The following THSD7B variants were observed in gnomAD, a reference collection of about 807,000 sequenced individuals.
THSD7B encodes thrombospondin type 1 domain containing 7B.
In THSD7B, 138 loss-of-function variants were observed where a neutral mutation model predicts 213.6. That is an observed-to-expected ratio of 0.65 (90% CI 0.56 to 0.74). The LOEUF (loss-of-function observed/expected upper bound fraction) is 0.74, where lower values mean the gene tolerates loss of function less well. THSD7B is among the 30% of genes least tolerant of loss of function. THSD7B has a pLI of 0.00. For synonymous variants in THSD7B, 742 were observed against 687.0 expected (o/e 1.08, Z -1.25); for missense variants, 1,931 against 1,991.5 (o/e 0.97, Z 0.58).
chr2:137,276,698 T>C (rs1682883299), intron 12 of THSD7B, among the ~76,000 whole-genome samples: 1 of 152,114 alleles, frequency 6.6e-6, no homozygotes, highest in African/African-American at 2.4e-5. Context: ...AAGCTTGATA[T>C]GAAGTGCATT....
chr2:137,067,009 T>C (rs995359264), intron 3 of THSD7B, among the ~76,000 whole-genome samples: 1 of 152,236 alleles, frequency 6.6e-6, no homozygotes, highest in Middle Eastern at 3.4e-3. Flanking sequence ...TACTTTACGA[T>C]GTTTTTGATT....
intron 12 of THSD7B, among the ~76,000 whole-genome samples, chr2:137,315,615 A>G (rs1684078784): frequency 6.6e-6 from 1 of 151,912 alleles, no homozygotes; most frequent in Non-Finnish European, 1.5e-5. Context: ...ATTTGGTATT[A>G]TTATAGAAAA....
intron 1 of THSD7B, among the ~76,000 whole-genome samples, chr2:136,826,545 T>A (rs552523560): frequency 1.3e-5 from 2 of 152,306 alleles, no homozygotes; most frequent in Admixed American, 1.3e-4. Context: ...GGCTCTTTCT[T>A]CTCTCTTCTT....
intron 3 of THSD7B, 115 bp from the exon 4 acceptor site, chr2:137,094,758 C>T: frequency 7.5e-7 from 1 of 1,328,614 alleles, no homozygotes; most frequent in Non-Finnish European, 1.0e-6. Context: ...TAAAAATCTT[C>T]CTATTAAACG....
chr2:137,133,752 C>T (rs1688782922), intron 5 of THSD7B, among the ~76,000 whole-genome samples: 1 of 152,018 alleles, frequency 6.6e-6, no homozygotes, highest in South Asian at 2.1e-4. Context: ...TTTGTTTCAC[C>T]AAATATATCC....
chr2:137,355,936 A>G (rs186301097), intron 12 of THSD7B, among the ~76,000 whole-genome samples: 15 of 152,246 alleles, frequency 9.9e-5, no homozygotes. Flanking sequence ...TTCTTTGCCC[A>G]TCTGAGAGTG....
chr2:136,928,420 G>A (rs987103382), intron 2 of THSD7B, among the ~76,000 whole-genome samples: 7 of 152,240 alleles, frequency 4.6e-5, no homozygotes, highest in African/African-American at 1.7e-4. Context: ...CATTTTGAAA[G>A]CATTTGTATA....
intron 2 of THSD7B, among the ~76,000 whole-genome samples, chr2:136,923,659 C>T (rs1386796516): frequency 2.0e-5 from 3 of 151,990 alleles, no homozygotes; most frequent in Non-Finnish European, 2.9e-5. Context: ...CTAATGGGGG[C>T]GAGGTGTTAT....
chr2:137,053,644 T>C (rs1270480086), intron 2 of THSD7B, among the ~76,000 whole-genome samples: 1 of 152,142 alleles, frequency 6.6e-6, no homozygotes, highest in African/African-American at 2.4e-5. Context: ...TGGCCAGATA[T>C]TCTAAATGAA....
In THSD7B at chr2:137,096,203, A is replaced by G. The variant is rs2104920082; in HGVS notation, c.1199+1082A>G. ...TCTGTTAAATCTGTAGCTATTCAAG[A>G]TAGGCATTTTTCTTATAGTTTCTTG... On this transcript the variant is annotated intron_variant, in intron 4 of 27. Coordinates refer to ENST00000409968, the MANE Select transcript of THSD7B (RefSeq NM_001316349.2). Among the ~76,000 whole-genome samples, 3 of 152,312 alleles carry G rather than the reference A, an allele frequency of 2.0e-5. No homozygotes were observed. In the South Asian group the frequency reaches 6.2e-4, roughly 32 times the overall value.
chr2:137,376,806 A>G (rs1046068057), intron 12 of THSD7B, among the ~76,000 whole-genome samples: 2 of 152,244 alleles, frequency 1.3e-5, no homozygotes, highest in African/African-American at 4.8e-5. Context: ...TTCATTCAGC[A>G]TAAAACACAG....
At chr2:137,342,778 A>C (rs1325510019) in intron 12 of THSD7B, among the ~76,000 whole-genome samples, 1 of 151,668 alleles carries the variant, frequency 6.6e-6, no homozygotes. Flanking sequence ...TTTTATACCT[A>C]AAGAGATGAT....
At position 137,258,878 on chromosome 2, in the gene THSD7B, C is replaced by A. The variant is rs1203697432; in HGVS notation, c.2267-13655C>A. On this transcript the variant is annotated intron_variant, in intron 10 of 27. Transcript: ENST00000409968. ...AGGCCCTGAAGCGTGTTGTTCCCTCCCCTGTGTCCATGTGTTCTCTTTGTT... is the reference window on the plus strand; with the variant it reads ...AGGCCCTGAAGCGTGTTGTTCCCTCACCTGTGTCCATGTGTTCTCTTTGTT... Among the ~76,000 whole-genome samples, 3 of 152,066 alleles carry A rather than the reference C, an allele frequency of 2.0e-5. No individual in the cohort carries two copies. In the East Asian group the frequency reaches 5.8e-4, roughly 30 times the overall value.
chr2:136,817,324 C>T (rs1247174448), intron 1 of THSD7B, among the ~76,000 whole-genome samples: 2 of 151,730 alleles, frequency 1.3e-5, no homozygotes, highest in Non-Finnish European at 2.9e-5. Context: ...CCTGTTCACT[C>T]TGATGGTAGT....
In THSD7B at chr2:137,659,830, G is replaced by C. The variant is rs182640485; in HGVS notation, c.4458+84G>C. On this transcript the variant is annotated intron_variant, in intron 25 of 27. Coordinates refer to ENST00000409968, the MANE Select transcript of THSD7B (RefSeq NM_001316349.2). ...ATCAGATGTTCTCCTGCCGGCTGCA[G>C]CCCAAGCAGCAGTTCCACGTGCCCA... 6 of 1,331,150 alleles carry C rather than the reference G, an allele frequency of 4.5e-6. No individual in the cohort carries two copies. The African/African-American group carries it at 8.9e-5, about 20-fold the overall frequency. 82.5% of individuals were successfully genotyped at this position (1,331,150 alleles called of 1,614,324 possible).
chr2:137,616,232 A>G lies in THSD7B; in HGVS notation c.3481A>G (p.Asn1161Asp), dbSNP rs755794080. ...TCGCCACCTGCTAAGACCATCACTGAACTCAAGGACTTGTGCTGAAGACTC... is the reference window on the plus strand; with the variant it reads ...TCGCCACCTGCTAAGACCATCACTGGACTCAAGGACTTGTGCTGAAGACTC... ...RTRHLLRPSL[N>D]SRTCAEDSQV... The change falls in exon 18 of 28, where the codon AAC becomes GAC. Residue 1161 changes from asparagine to aspartate, a missense_variant. By Grantham distance (23) the Asn-to-Asp change is conservative. Transcript: ENST00000409968. The G allele has an allele frequency of 1.9e-6, 3 of 1,613,744 alleles. No homozygotes were observed. The East Asian group carries it at 6.7e-5, about 36-fold the overall frequency.
At position 136,880,665 on chromosome 2, in the gene THSD7B, C is replaced by G. The variant is rs564254604; in HGVS notation, c.-35-1479C>G. On this transcript the variant is annotated intron_variant, in intron 1 of 27. Coordinates refer to ENST00000409968, the MANE Select transcript of THSD7B (RefSeq NM_001316349.2). ...TTCTGTCCTTTTTCATCATCTTCCT[C>G]TTATGTAGCACATCCAGTTGTTAAC... Among the ~76,000 whole-genome samples the G allele has an allele frequency of 1.6e-4, 24 of 152,186 alleles. No individual in the cohort carries two copies. The South Asian group carries it at 5.0e-3, about 32-fold the overall frequency.
intron 2 of THSD7B, among the ~76,000 whole-genome samples, chr2:137,001,305 A>G (rs1685993978): frequency 6.6e-6 from 1 of 152,166 alleles, no homozygotes; most frequent in South Asian, 2.1e-4. Context: ...TGAAGAAACT[A>G]TAAACAGACT....
At chr2:137,458,108 T>C (rs961416960) in intron 15 of THSD7B, among the ~76,000 whole-genome samples, 2 of 152,154 alleles carry the variant, frequency 1.3e-5, no homozygotes, top group Non-Finnish European at 2.9e-5. Flanking sequence ...AATAATTTCC[T>C]ATGAAAAACT....
Sources: allele counts gnomAD v4.1 joint callset (sites outside exome capture counted in the v4.1 genomes callset), GRCh38; gene constraint gnomAD v4.1.1; transcripts MANE v1.5; gene names NCBI Gene and HGNC (gene_info 2026-07-23, HGNC 2026-07-21).